The following SMARCA4 variants were observed in gnomAD, a reference collection of about 807,000 sequenced individuals.
The protein encoded by SMARCA4 is SWI/SNF-related matrix-associated actin-dependent regulator of chromatin subfamily A member 4.
In SMARCA4, 31 loss-of-function variants were observed where a neutral mutation model predicts 193.9. The ratio of observed to expected loss-of-function variants is 0.16; its 90% CI spans 0.12 to 0.22. SMARCA4 has a LOEUF of 0.22. Ranked by LOEUF, SMARCA4 falls within the 10% of genes least tolerant of loss-of-function variation. The probability of loss-of-function intolerance (pLI) is 1.00; values close to 1 mark genes in which losing one functional copy is unlikely to be tolerated. For missense variants in SMARCA4, 1,148 were observed against 2,296.0 expected (o/e 0.50, Z 10.22); for synonymous variants, 942 against 933.1 (o/e 1.01, Z -0.17).
intron 1 of SMARCA4, among the ~76,000 whole-genome samples, chr19:10,971,400 T>C (rs75045940): frequency 0.1 from 15,247 of 152,068 alleles, 825 homozygotes; most frequent in Middle Eastern, 0.12. Flanking sequence ...TGTCCCAGGC[T>C]ACCATAGAAG....
chr19:10,996,685 C>T, intron 11 of SMARCA4, 141 bp downstream of exon 11: 2 of 801,002 alleles, frequency 2.5e-6, no homozygotes, highest in South Asian at 2.9e-5. Flanking sequence ...TCCTCTGACG[C>T]CCATCCCACC....
At chr19:10,962,804 AAGTGCT>A (rs142855946) in intron 1 of SMARCA4, among the ~76,000 whole-genome samples, 8,897 of 152,116 alleles carry the variant, frequency 0.058, 326 homozygotes, top group South Asian at 0.11. Context: ...CGGCCTCCCA[AAGTGCT>A]AGGACTACAT....
chr19:11,041,248 G>T lies in SMARCA4; in HGVS notation c.4171-59G>T. 1 of 1,554,782 alleles carries T rather than the reference G, an allele frequency of 6.4e-7. No homozygotes were observed. On this transcript the variant is annotated intron_variant, in intron 29 of 34. Transcript: ENST00000344626. The surrounding 1 kb of genome is among the most constrained non-coding windows in gnomAD (Gnocchi z 5.6). ...AGCCCGGCCCCTGGGATTGCGTCGC[G>T]GCCTCTGCTTGTCGACCTGGGTGCT...
At chr19:11,023,720 A>G in intron 20 of SMARCA4, 89 bp downstream of exon 20, 1 of 803,402 alleles carries the variant, frequency 1.2e-6, no homozygotes, top group Non-Finnish European at 2.1e-6. Context: ...CTCTCCCCAC[A>G]GTCCCAGGCC....
At chr19:10,997,777 T>TA (rs1020551871) in intron 11 of SMARCA4, among the ~76,000 whole-genome samples, 5 of 152,158 alleles carry the variant, frequency 3.3e-5, no homozygotes, top group African/African-American at 1.2e-4. Flanking sequence ...TTCACCTGTG[T>TA]TTTTTCCTAA....
In SMARCA4 at chr19:11,041,194, G is replaced by A. The variant is rs1270769036; in HGVS notation, c.4171-113G>A. On this transcript the variant is annotated intron_variant, in intron 29 of 34. Transcript: ENST00000344626. This position sits in a 1 kb window ranked among gnomAD's most constrained non-coding sequence, Gnocchi z 5.6. ...CCGAGCCAGTCAAGCTGAAGGGAGA[G>A]CGGGTGCGGGGGCCCTCCTCCGTGT... is the stretch of plus-strand genomic sequence containing the variant. 1.8e-6 allele frequency: 2 copies of A among 1,120,184 alleles called. No individual in the cohort carries two copies. Among genetic ancestry groups the A allele is most frequent in the African/African-American group, 1.6e-5 (1 of 64,486 alleles). The allele number at this position is 1,120,184 out of a possible 1,614,324, so 69.4% of individuals were successfully genotyped here.
intron 11 of SMARCA4, among the ~76,000 whole-genome samples, chr19:11,000,077 A>G (rs1190935428): frequency 6.6e-6 from 1 of 151,982 alleles, no homozygotes; most frequent in Non-Finnish European, 1.5e-5. Flanking sequence ...AATACAAAAA[A>G]TTAGCCAGGT....
Position 11,059,671 on chromosome 19 carries a change from T to C in SMARCA4, c.4636-82T>C, listed in dbSNP as rs1337173544. 28 of 1,463,214 alleles carry C rather than the reference T, an allele frequency of 1.9e-5. No homozygotes were observed. The Admixed American group carries it at 5.5e-4, about 29-fold the overall frequency. The allele number at this position is 1,463,214 out of a possible 1,614,324, so 90.6% of individuals were successfully genotyped here. ...CAGCTGTCCAGGGGCAACACAGGGC[T>C]GGGGCTGGGGCTGGGGCCAGGGCCG... is the stretch of plus-strand genomic sequence containing the variant. On this transcript the variant is annotated intron_variant, in intron 32 of 34. Transcript: ENST00000344626.
At chr19:11,026,497 C>CTTT (rs35017701) in intron 23 of SMARCA4, 151 bp downstream of exon 23, 538 of 414,308 alleles carry the variant, frequency 1.3e-3, no homozygotes, top group Middle Eastern at 3.4e-3. Flanking sequence ...TAATACAAAT[C>CTTT]TTTTTTTTTT....
intron 11 of SMARCA4, among the ~76,000 whole-genome samples, chr19:11,002,185 G>GA (rs921283332): frequency 6.6e-6 from 1 of 152,190 alleles, no homozygotes. Context: ...GAAGAATGGG[G>GA]AGAGCCCACA....
At chr19:11,003,189 TG>T in intron 12 of SMARCA4, 30 bp downstream of exon 12, 1 of 1,613,752 alleles carries the variant, frequency 6.2e-7, no homozygotes, top group Non-Finnish European at 8.5e-7. Flanking sequence ...CCAGATGCAG[TG>T]GGGATCCAAG....
intron 1 of SMARCA4, among the ~76,000 whole-genome samples, chr19:10,969,392 G>A (rs1389869191): frequency 1.3e-5 from 2 of 151,672 alleles, no homozygotes; most frequent in South Asian, 2.1e-4. Flanking sequence ...GATTATGGGC[G>A]TGAGCCACCA....
At chr19:10,992,022 A>G (rs1273580003) in intron 8 of SMARCA4, among the ~76,000 whole-genome samples, 1 of 152,158 alleles carries the variant, frequency 6.6e-6, no homozygotes, top group Non-Finnish European at 1.5e-5. Flanking sequence ...TGATTTGGTC[A>G]TTTATAGATT....
chr19:11,010,851 C>A, intron 15 of SMARCA4: 1 of 412,832 alleles, frequency 2.4e-6, no homozygotes, highest in Non-Finnish European at 4.6e-6. Context: ...AGGTGCAGCA[C>A]CTCCTCAGCA....
In SMARCA4 at chr19:11,058,502, G is replaced by T; in HGVS notation, c.4533+139G>T. 1 of 735,198 alleles carries T rather than the reference G, an allele frequency of 1.4e-6. No individual in the cohort carries two copies. The highest frequency in any genetic ancestry group is 1.5e-5 in the South Asian group (1 of 67,754). 45.5% of individuals were successfully genotyped at this position (735,198 alleles called of 1,614,324 possible). On this transcript the variant is annotated intron_variant, in intron 31 of 34. Transcript: ENST00000344626. This position sits in a 1 kb window ranked among gnomAD's most constrained non-coding sequence, Gnocchi z 5.8. ...CGGTGCCTTGGGCTACCTGGTTAGGGACCTGGTCGTGGGCTTTTGGGGTTC... is the reference window on the plus strand; with the variant it reads ...CGGTGCCTTGGGCTACCTGGTTAGGTACCTGGTCGTGGGCTTTTGGGGTTC...
At position 11,019,263 on chromosome 19, in the gene SMARCA4, G is replaced by T; in HGVS notation, c.2505+240G>T. On this transcript the variant is annotated intron_variant, in intron 17 of 34. Coordinates refer to ENST00000344626, the MANE Select transcript of SMARCA4 (RefSeq NM_003072.5). This position sits in a 1 kb window ranked among gnomAD's most constrained non-coding sequence, Gnocchi z 6.1. The stretch of plus-strand genomic sequence containing the variant: ...GTGAGCATGGTGGCCAGCACTCAGA[G>T]GCCAGCTCAGGCGCCTGAGATGGGG... The T allele has an allele frequency of 3.2e-6, 2 of 621,534 alleles. 1 individual carries two copies. The highest frequency in any genetic ancestry group is 8.6e-4 in the Middle Eastern group (2 of 2,336). The allele number at this position is 621,534 out of a possible 1,614,324, so 38.5% of individuals were successfully genotyped here.
chr19:11,034,306 G>T lies in SMARCA4; in HGVS notation c.3951+106G>T. 2 of 902,824 alleles carry T rather than the reference G, an allele frequency of 2.2e-6. No homozygotes were observed. The highest frequency in any genetic ancestry group is 2.7e-5 in the South Asian group (2 of 73,902). 55.9% of individuals were successfully genotyped at this position (902,824 alleles called of 1,614,324 possible). A position where few individuals can be genotyped will look rare whatever the true frequency, so the allele number is the denominator to read the frequency against. Reference sequence around the variant, plus strand: ...ATGGTGGTATCCCTAGCAGGTCAGGGAGCCAGGGACAGCTCACAGTGCAGC... The same window carrying T: ...ATGGTGGTATCCCTAGCAGGTCAGGTAGCCAGGGACAGCTCACAGTGCAGC... On this transcript the variant is annotated intron_variant, in intron 28 of 34. Transcript: ENST00000344626. This position sits in a 1 kb window ranked among gnomAD's most constrained non-coding sequence, Gnocchi z 7.0.
rs560910270 is a variant in SMARCA4 at position 11,038,473 on chromosome 19, T to G, written c.4171-2834T>G. Among the ~76,000 whole-genome samples, 12 of 152,288 alleles carry G rather than the reference T, an allele frequency of 7.9e-5. No homozygotes were observed. In the East Asian group the frequency reaches 1.5e-3, roughly 20 times the overall value. On this transcript the variant is annotated intron_variant, in intron 29 of 34. Transcript: ENST00000344626. ...TGCCTGCTGTGCCCTCCATGCTGCTTCTTTGACCCGGTTGCCTTCCATCCT... is the reference window on the plus strand; with the variant it reads ...TGCCTGCTGTGCCCTCCATGCTGCTGCTTTGACCCGGTTGCCTTCCATCCT...
chr19:11,014,127 A>G (rs892495582), intron 16 of SMARCA4, among the ~76,000 whole-genome samples: 7 of 152,194 alleles, frequency 4.6e-5, no homozygotes, highest in Middle Eastern at 3.2e-3. Context: ...GCCCTAGAGC[A>G]CAGCCCCTAA....
Sources: allele counts gnomAD v4.1 joint callset (sites outside exome capture counted in the v4.1 genomes callset), GRCh38; gene constraint gnomAD v4.1.1; non-coding constraint Gnocchi (gnomAD v3.1); transcripts MANE v1.5; gene names NCBI Gene and HGNC (gene_info 2026-07-23, HGNC 2026-07-21).